The following TYR variants were observed in gnomAD, a reference collection of about 807,000 sequenced individuals.
The protein encoded by TYR is LB24-AB.
A neutral mutation model predicts 51.5 loss-of-function variants in TYR; 58 were observed. That is an observed-to-expected ratio of 1.13 (90% CI 0.91 to 1.40). TYR has a LOEUF of 1.40. Ranked by LOEUF, TYR falls within the 40% of genes most tolerant of loss-of-function variation. The pLI, the probability that TYR is intolerant of heterozygous loss-of-function variation, is 0.00. For missense variants in TYR, 732 were observed against 647.4 expected (o/e 1.13, Z -1.42); for synonymous variants, 263 against 235.2 (o/e 1.12, Z -1.08).
chr11:89,271,576 C>T (rs1944589160), intron 3 of TYR, among the ~76,000 whole-genome samples: 1 of 151,894 alleles, frequency 6.6e-6, no homozygotes. Flanking sequence ...TTGATGGTTG[C>T]TGACTGATCA....
intron 3 of TYR, among the ~76,000 whole-genome samples, chr11:89,280,800 G>C (rs1441737805): frequency 6.6e-6 from 1 of 151,574 alleles, no homozygotes; most frequent in Non-Finnish European, 1.5e-5. Context: ...GGCTTTTAGT[G>C]TACAAATTTA....
At chr11:89,269,018 A>G (rs1375369991) in intron 3 of TYR, among the ~76,000 whole-genome samples, 1 of 151,934 alleles carries the variant, frequency 6.6e-6, no homozygotes, top group African/African-American at 2.4e-5. Context: ...AGCATCATTT[A>G]TATTACCTTA....
chr11:89,245,176 C>G (rs1234175908), intron 3 of TYR, among the ~76,000 whole-genome samples: 1 of 151,768 alleles, frequency 6.6e-6, no homozygotes, highest in African/African-American at 2.4e-5. Context: ...ATATAGAGAA[C>G]AAAACAAAAA....
chr11:89,256,231 C>T (rs988494558), intron 3 of TYR, among the ~76,000 whole-genome samples: 25 of 151,724 alleles, frequency 1.6e-4, no homozygotes, highest in African/African-American at 6.0e-4. Context: ...TTTAGAGCAA[C>T]TTGGATGTGT....
At chr11:89,214,146 A>G (rs1943799991) in intron 2 of TYR, among the ~76,000 whole-genome samples, 1 of 152,244 alleles carries the variant, frequency 6.6e-6, no homozygotes, top group Admixed American at 6.5e-5. Flanking sequence ...TGAACAGGCA[A>G]CCTACAGAAC....
chr11:89,258,579 T>G (rs1944422023), intron 3 of TYR, among the ~76,000 whole-genome samples: 1 of 151,628 alleles, frequency 6.6e-6, no homozygotes, highest in East Asian at 1.9e-4. Context: ...TTTTATAATG[T>G]GCATCATAGA....
At chr11:89,179,956 G>T (rs746374984) in intron 1 of TYR, among the ~76,000 whole-genome samples, 8 of 152,136 alleles carry the variant, frequency 5.3e-5, no homozygotes, top group African/African-American at 1.9e-4. Flanking sequence ...TGAATGGGAT[G>T]GGAAGAATCT....
chr11:89,272,305 A>G (rs1805287613), intron 3 of TYR, among the ~76,000 whole-genome samples: 1 of 151,918 alleles, frequency 6.6e-6, no homozygotes, highest in South Asian at 2.1e-4. Context: ...TTGTGTAGGC[A>G]GGAATGAAAG....
At chr11:89,196,148 C>G (rs1291095972) in intron 2 of TYR, among the ~76,000 whole-genome samples, 1 of 152,094 alleles carries the variant, frequency 6.6e-6, no homozygotes, top group Non-Finnish European at 1.5e-5. Flanking sequence ...AAGGGCACAA[C>G]AGTATTGTGT....
At chr11:89,198,826 G>A (rs570894962) in intron 2 of TYR, among the ~76,000 whole-genome samples, 2 of 151,682 alleles carry the variant, frequency 1.3e-5, no homozygotes, top group Non-Finnish European at 2.9e-5. Flanking sequence ...TGTTACATAT[G>A]TATACATGTG....
chr11:89,202,536 G>C (rs568860626), intron 2 of TYR, among the ~76,000 whole-genome samples: 1 of 151,458 alleles, frequency 6.6e-6, no homozygotes, highest in Admixed American at 6.6e-5. Flanking sequence ...CTTGGTTTTA[G>C]GGTTTTACAT....
chr11:89,280,370 G>T (rs1944707185), intron 3 of TYR, among the ~76,000 whole-genome samples: 1 of 151,248 alleles, frequency 6.6e-6, no homozygotes, highest in Non-Finnish European at 1.5e-5. Context: ...TTCAGTTTGG[G>T]AAGTTTCTCC....
chr11:89,237,259 C>A (rs1346043076), intron 3 of TYR, among the ~76,000 whole-genome samples: 1 of 152,104 alleles, frequency 6.6e-6, no homozygotes, highest in East Asian at 1.9e-4. Flanking sequence ...CTTTGAGGAT[C>A]ATTTCCAAAA....
chr11:89,203,290 G>T (rs1389206480), intron 2 of TYR, among the ~76,000 whole-genome samples: 1 of 152,134 alleles, frequency 6.6e-6, no homozygotes, highest in Non-Finnish European at 1.5e-5. Context: ...CTCCAAGGCT[G>T]ATACAAATTC....
At chr11:89,231,984 CAAA>C (rs544640718) in intron 3 of TYR, among the ~76,000 whole-genome samples, 5 of 49,362 alleles carry the variant, frequency 1.0e-4, no homozygotes, top group East Asian at 6.0e-4. Context: ...GATTCCATCT[CAAA>C]AAAAAAAAAA....
Position 89,213,320 on chromosome 11 carries a change from G to A in TYR, c.1037-14503G>A, listed in dbSNP as rs1943787243. ...AGACAAAAAGAGAGCCAAATCATGA[G>A]TGAACTCCCATTCATAATTACTATA... On this transcript the variant is annotated intron_variant, in intron 2 of 4. Coordinates refer to ENST00000263321, the MANE Select transcript of TYR (RefSeq NM_000372.5). Among the ~76,000 whole-genome samples the A allele has an allele frequency of 2.0e-5, 3 of 152,110 alleles. No homozygotes were observed. The South Asian group carries it at 6.2e-4, about 31-fold the overall frequency.
intron 2 of TYR, among the ~76,000 whole-genome samples, chr11:89,209,160 G>A (rs1943715917): frequency 6.6e-6 from 1 of 152,190 alleles, no homozygotes; most frequent in South Asian, 2.1e-4. Flanking sequence ...GAAGCACAAG[G>A]GGTTGGGGGA....
chr11:89,192,496 G>T (rs890448390), intron 2 of TYR, among the ~76,000 whole-genome samples: 1 of 151,670 alleles, frequency 6.6e-6, no homozygotes, highest in Admixed American at 6.6e-5. Flanking sequence ...TCCTTGACTT[G>T]TTCTTTTTTT....
chr11:89,288,451 A>ACTT (rs1375803545), intron 4 of TYR, among the ~76,000 whole-genome samples: 1 of 151,968 alleles, frequency 6.6e-6, no homozygotes, highest in Non-Finnish European at 1.5e-5. Context: ...CCCAATGGAT[A>ACTT]CTTTTTACTA....
Sources: allele counts gnomAD v4.1 joint callset (sites outside exome capture counted in the v4.1 genomes callset), GRCh38; gene constraint gnomAD v4.1.1; transcripts MANE v1.5; gene names NCBI Gene and HGNC (gene_info 2026-07-23, HGNC 2026-07-21).